The following ARFGEF2 variants were observed in gnomAD, a reference collection of about 807,000 sequenced individuals.
The protein encoded by ARFGEF2 is brefeldin A-inhibited guanine nucleotide-exchange protein 2.
A neutral mutation model predicts 219.9 loss-of-function variants in ARFGEF2; 74 were observed. That is an observed-to-expected ratio of 0.34 (90% CI 0.28 to 0.41). ARFGEF2 has a LOEUF of 0.41. Among genes scored for constraint, ARFGEF2 ranks in the 10% least tolerant of loss-of-function variants. ARFGEF2 has a pLI of 1.00. For synonymous variants in ARFGEF2, 733 were observed against 799.2 expected (o/e 0.92, Z 1.40); for missense variants, 1,743 against 2,218.3 (o/e 0.79, Z 4.30).
chr20:48,984,995 A>T (rs1291133679), intron 15 of ARFGEF2, 155 bp downstream of exon 15: 14 of 809,500 alleles, frequency 1.7e-5, no homozygotes, highest in Non-Finnish European at 2.1e-5. Context: ...GGGTTACAGC[A>T]GTCCTGTGTA....
At position 48,974,820 on chromosome 20, in the gene ARFGEF2, A is replaced by C; in HGVS notation, c.1720A>C (p.Met574Leu). Residue 574 changes from methionine (M) to leucine (L), a missense_variant, in exon 13 of 39, where the codon ATG becomes CTG. Coordinates refer to ENST00000371917, the MANE Select transcript of ARFGEF2 (RefSeq NM_006420.3). ...LECLVSILKC[M>L]VEWSKDLYVN... ...GTGCCTCGTGTCCATTCTCAAGTGC[A>C]TGGTGGAGTGGAGCAAAGACCTGTA... 6.2e-7 allele frequency: 1 copy of C among 1,614,064 alleles called. No individual in the cohort carries two copies. Among genetic ancestry groups the C allele is most frequent in the South Asian group, 1.1e-5 (1 of 91,042 alleles).
chr20:48,950,811 A>AATATATAT (rs71184245), intron 3 of ARFGEF2, among the ~76,000 whole-genome samples: 20 of 64,506 alleles, frequency 3.1e-4, no homozygotes, highest in South Asian at 1.2e-3. Flanking sequence ...AAAAAAAAAA[A>AATATATAT]ATATATATAT....
At chr20:48,945,825 C>G (rs2091022499) in intron 3 of ARFGEF2, among the ~76,000 whole-genome samples, 1 of 152,022 alleles carries the variant, frequency 6.6e-6, no homozygotes, top group Non-Finnish European at 1.5e-5. Flanking sequence ...GATGGTGACA[C>G]CTAACTCTAG....
At position 48,963,732 on chromosome 20, in the gene ARFGEF2, C is replaced by G; in HGVS notation, c.839-98C>G. 4.9e-6 allele frequency: 6 copies of G among 1,219,150 alleles called. No individual in the cohort carries two copies. The South Asian group carries it at 7.7e-5, about 16-fold the overall frequency. 75.5% of individuals were successfully genotyped at this position (1,219,150 alleles called of 1,614,324 possible). A position where few individuals can be genotyped will look rare whatever the true frequency, so the allele number is the denominator to read the frequency against. On this transcript the variant is annotated intron_variant, in intron 6 of 38. Transcript: ENST00000371917. ...GGGAGAACTTATTTGCACCCTTTGC[C>G]TTCTGAAATGTAACTCCCCATAATC... is the stretch of plus-strand genomic sequence containing the variant.
chr20:49,008,612 T>C (rs1356768065), intron 26 of ARFGEF2, among the ~76,000 whole-genome samples: 1 of 151,710 alleles, frequency 6.6e-6, no homozygotes, highest in Non-Finnish European at 1.5e-5. Context: ...ACTAATACTT[T>C]AGAGAAATGG....
At position 49,010,165 on chromosome 20, in the gene ARFGEF2, A is replaced by C. The variant is rs1237758354; in HGVS notation, c.3585-67A>C. 2.6e-6 allele frequency: 4 copies of C among 1,555,252 alleles called. No individual in the cohort carries two copies. The Admixed American group carries it at 6.9e-5, about 27-fold the overall frequency. On this transcript the variant is annotated intron_variant, in intron 26 of 38. Transcript: ENST00000371917. ...GTTTAAGTGCTGCTTCTAAGGGATGAGCTATGTTCATTTCTCTTCCCATTC... is the reference window on the plus strand; with the variant it reads ...GTTTAAGTGCTGCTTCTAAGGGATGCGCTATGTTCATTTCTCTTCCCATTC...
chr20:48,950,628 T>C lies in ARFGEF2; in HGVS notation c.277-695T>C, dbSNP rs569364178. Among the ~76,000 whole-genome samples, 1,135 of 150,662 alleles carry C rather than the reference T, an allele frequency of 7.5e-3. 15 individuals carry two copies. Among genetic ancestry groups the C allele is most frequent in the African/African-American group, 0.025 (1,039 of 41,078 alleles). Reference sequence around the variant, plus strand: ...GAGCAATATAGCAAGACCCCATCTCTACAAAGAATAAAGAAAAATTAGACT... The same window carrying C: ...GAGCAATATAGCAAGACCCCATCTCCACAAAGAATAAAGAAAAATTAGACT... On this transcript the variant is annotated intron_variant, in intron 3 of 38. Coordinates refer to ENST00000371917, the MANE Select transcript of ARFGEF2 (RefSeq NM_006420.3).
intron 37 of ARFGEF2, among the ~76,000 whole-genome samples, chr20:49,029,704 G>A (rs768881263): frequency 2.0e-5 from 3 of 151,260 alleles, no homozygotes; most frequent in Admixed American, 6.6e-5. Flanking sequence ...CAATTCTCCT[G>A]CCTCGGCCTC....
chr20:48,973,379 C>G, intron 12 of ARFGEF2, 95 bp downstream of exon 12: 1 of 1,311,744 alleles, frequency 7.6e-7, no homozygotes, highest in Non-Finnish European at 1.1e-6. Flanking sequence ...GTCCTTGATA[C>G]AGCAGTGAAC....
At position 49,015,314 on chromosome 20, in the gene ARFGEF2, A is replaced by G. The variant is rs137966037; in HGVS notation, c.4180-966A>G. 3.3e-3 allele frequency among the ~76,000 whole-genome samples: 503 copies of G among 152,194 alleles called. 3 individuals are homozygous for G. Among genetic ancestry groups the G allele is most frequent in the African/African-American group, 0.012 (479 of 41,520 alleles). The stretch of plus-strand genomic sequence containing the variant: ...ATTTAAATAGAGACAAGATCTCACC[A>G]TGTTGGCCAGGCTGGTCTCAAACTC... On this transcript the variant is annotated intron_variant, in intron 30 of 38. Coordinates refer to ENST00000371917, the MANE Select transcript of ARFGEF2 (RefSeq NM_006420.3).
intron 25 of ARFGEF2, among the ~76,000 whole-genome samples, chr20:49,001,571 G>A (rs569156149): frequency 2.6e-4 from 40 of 152,298 alleles, no homozygotes; most frequent in South Asian, 8.3e-4. Context: ...AGCATGGTGT[G>A]TATGCCTGGA....
intron 31 of ARFGEF2, 31 bp from the exon 32 acceptor site, chr20:49,017,218 G>C (rs760272046): frequency 1.2e-6 from 2 of 1,611,722 alleles, no homozygotes; most frequent in Non-Finnish European, 1.7e-6. Flanking sequence ...AGCAGTAGAA[G>C]TTTAATGATA....
At chr20:48,943,988 C>A (rs1434229005) in intron 3 of ARFGEF2, among the ~76,000 whole-genome samples, 1 of 152,172 alleles carries the variant, frequency 6.6e-6, no homozygotes, top group Non-Finnish European at 1.5e-5. Context: ...AGTGAGCATG[C>A]CACATTTTTG....
At chr20:48,922,463 T>C (rs2090848972) in intron 1 of ARFGEF2, among the ~76,000 whole-genome samples, 1 of 152,158 alleles carries the variant, frequency 6.6e-6, no homozygotes, top group Admixed American at 6.5e-5. Flanking sequence ...TTGGAGAATG[T>C]TTTCCTTTGG....
chr20:49,028,516 T>C lies in ARFGEF2; in HGVS notation c.4925-14T>C. On this transcript the variant is annotated splice_polypyrimidine_tract_variant and intron_variant, in intron 36 of 38. Coordinates refer to ENST00000371917, the MANE Select transcript of ARFGEF2 (RefSeq NM_006420.3). ...TAGAAATGTGCACTAATTATATGAC[T>C]GTCTGATCTCTAGGTTTTAAGGGCA... is the stretch of plus-strand genomic sequence containing the variant. 1 of 1,613,558 alleles carries C rather than the reference T, an allele frequency of 6.2e-7. No homozygotes were observed. Among genetic ancestry groups the C allele is most frequent in the Admixed American group, 1.7e-5 (1 of 60,020 alleles).
rs1297614367 is a variant in ARFGEF2, at chr20:48,923,765, TA to T, written c.121+1759del. On this transcript the variant is annotated intron_variant, in intron 1 of 38. Transcript: ENST00000371917. ...TTTTTCTTCAGAAAACTTCTTAACA[TA>T]AAATTTTCACCAAAGTGTGCATCAT... Among the ~76,000 whole-genome samples the T allele has an allele frequency of 2.0e-5, 3 of 152,334 alleles. No homozygotes were observed. In the East Asian group the frequency reaches 5.8e-4, roughly 29 times the overall value.
chr20:49,029,356 A>G (rs2091620497), intron 37 of ARFGEF2, among the ~76,000 whole-genome samples: 1 of 152,238 alleles, frequency 6.6e-6, no homozygotes, highest in Non-Finnish European at 1.5e-5. Flanking sequence ...CTTTCTGGAA[A>G]GTAGGTGAGA....
At chr20:48,982,186 T>A (rs1222640002) in intron 14 of ARFGEF2, among the ~76,000 whole-genome samples, 1 of 152,178 alleles carries the variant, frequency 6.6e-6, no homozygotes, top group African/African-American at 2.4e-5. Flanking sequence ...GTCATTTTAT[T>A]TGTTGATGTT....
intron 25 of ARFGEF2, among the ~76,000 whole-genome samples, chr20:48,999,769 GAAAT>G (rs1268419373): frequency 8.3e-6 from 1 of 120,120 alleles, no homozygotes; most frequent in Non-Finnish European, 1.8e-5. Flanking sequence ...AAAAAAAAAA[GAAAT>G]GTATGTATGT....
Sources: allele counts gnomAD v4.1 joint callset (sites outside exome capture counted in the v4.1 genomes callset), GRCh38; gene constraint gnomAD v4.1.1; transcripts MANE v1.5; gene names NCBI Gene and HGNC (gene_info 2026-07-23, HGNC 2026-07-21).